The following PLXNC1 variants were observed in gnomAD, a reference collection of about 807,000 sequenced individuals.
PLXNC1 encodes plexin-C1.
PLXNC1 carries 75 observed loss-of-function variants against 178.2 expected under a neutral mutation model. That is an observed-to-expected ratio of 0.42 (90% CI 0.35 to 0.51). The LOEUF is 0.51. Among genes scored for constraint, PLXNC1 ranks in the 20% least tolerant of loss-of-function variants. The pLI, the probability that PLXNC1 is intolerant of heterozygous loss-of-function variation, is 0.02. For missense variants in PLXNC1, 1,503 were observed against 1,984.4 expected (o/e 0.76, Z 4.61); for synonymous variants, 790 against 779.9 (o/e 1.01, Z -0.22).
At position 94,226,639 on chromosome 12, in the gene PLXNC1, T is replaced by A; in HGVS notation, c.1825T>A (p.Cys609Ser). ...PACVETGCAW[C>S]KSARRCIHPF... ...ATGCGTAGAAACTGGCTGCGCGTGG[T>A]GTAAAAGTGCAAGAAGGTGTATCCA... Residue 609 changes from cysteine (C) to serine (S), a missense_variant, in exon 8 of 31, where the codon TGT (cysteine) becomes AGT (serine). By Grantham distance (112) the Cys-to-Ser change is moderately radical. Coordinates refer to ENST00000258526, the MANE Select transcript of PLXNC1 (RefSeq NM_005761.3). 2 of 1,613,886 alleles carry A rather than the reference T, an allele frequency of 1.2e-6. No homozygotes were observed. Among genetic ancestry groups the A allele is most frequent in the Middle Eastern group, 3.3e-4 (2 of 6,062 alleles).
chr12:94,230,304 T>C (rs1964063144), intron 9 of PLXNC1, among the ~76,000 whole-genome samples: 1 of 152,248 alleles, frequency 6.6e-6, no homozygotes, highest in East Asian at 1.9e-4. Context: ...CGCTGAGTCG[T>C]GGTCCAGGCA....
At chr12:94,187,603 C>A (rs1462761848) in intron 4 of PLXNC1, among the ~76,000 whole-genome samples, 1 of 152,182 alleles carries the variant, frequency 6.6e-6, no homozygotes, top group Admixed American at 6.5e-5. Context: ...TCACTGATCA[C>A]GAACGGGATT....
At chr12:94,214,028 G>A (rs996404476) in intron 5 of PLXNC1, among the ~76,000 whole-genome samples, 6 of 151,764 alleles carry the variant, frequency 4.0e-5, no homozygotes, top group South Asian at 2.1e-4. Flanking sequence ...CACCACGCCC[G>A]GCTAATTGGA....
rs1968933627 is a variant in PLXNC1 at position 94,305,690 on chromosome 12, AAAC to A, written c.*408_*410del. ...TGTAAAGGGATACTGCCAGTGCTCA[AAAC>A]AAAATGTGAAATGAGTCATTTGGAA... On this transcript the variant is annotated 3_prime_UTR_variant, in exon 31 of 31. Coordinates refer to ENST00000258526, the MANE Select transcript of PLXNC1 (RefSeq NM_005761.3). 6.5e-6 allele frequency: 1 copy of A among 154,946 alleles called. No homozygotes were observed. Among genetic ancestry groups the A allele is most frequent in the African/African-American group, 2.4e-5 (1 of 41,552 alleles). The allele number at this position is 154,946 out of a possible 1,614,324, so 9.6% of individuals were successfully genotyped here.
At chr12:94,155,588 C>T (rs1961137471) in intron 1 of PLXNC1, among the ~76,000 whole-genome samples, 1 of 152,220 alleles carries the variant, frequency 6.6e-6, no homozygotes, top group Admixed American at 6.5e-5. Flanking sequence ...TCCTTATTCC[C>T]TCCTCACTGA....
chr12:94,247,854 C>A, intron 12 of PLXNC1, 49 bp from the exon 13 acceptor site: 1 of 1,542,390 alleles, frequency 6.5e-7, no homozygotes, highest in Non-Finnish European at 8.9e-7. Context: ...GAGATCACAG[C>A]TGGGATTCGT....
At chr12:94,287,991 C>T (rs1966879181) in intron 23 of PLXNC1, among the ~76,000 whole-genome samples, 1 of 152,192 alleles carries the variant, frequency 6.6e-6, no homozygotes, top group African/African-American at 2.4e-5. Flanking sequence ...TCACTGATGC[C>T]TCAAGGCTTG....
rs146278471 is a variant in PLXNC1, at chr12:94,265,362, G to A, written c.3597+137G>A. 2.0e-4 allele frequency: 140 copies of A among 699,990 alleles called. No individual in the cohort carries two copies. The African/African-American group carries it at 2.2e-3, about 11-fold the overall frequency. 43.4% of individuals were successfully genotyped at this position (699,990 alleles called of 1,614,324 possible). On this transcript the variant is annotated intron_variant, in intron 21 of 30. Coordinates refer to ENST00000258526, the MANE Select transcript of PLXNC1 (RefSeq NM_005761.3). Reference sequence around the variant, plus strand: ...CTGTGTGTTTAGTTAATTAAAAACAGTAGTTGATAAAACTGTTAACACGTG... The same window carrying A: ...CTGTGTGTTTAGTTAATTAAAAACAATAGTTGATAAAACTGTTAACACGTG...
intron 20 of PLXNC1, among the ~76,000 whole-genome samples, chr12:94,263,670 C>G (rs114966125): frequency 0.016 from 2,486 of 151,980 alleles, 18 homozygotes; most frequent in Middle Eastern, 0.031. Flanking sequence ...AGGTTGTAAA[C>G]CACTAAATAA....
chr12:94,188,071 T>C (rs949866050), intron 4 of PLXNC1, among the ~76,000 whole-genome samples: 8 of 151,540 alleles, frequency 5.3e-5, no homozygotes, highest in Non-Finnish European at 1.0e-4. Context: ...GAGGAAGTGA[T>C]CCACTGGGTC....
At position 94,306,848 on chromosome 12, in the gene PLXNC1, G is replaced by T. The variant is rs1969077642; in HGVS notation, c.*1563G>T. On this transcript the variant is annotated 3_prime_UTR_variant, in exon 31 of 31. Coordinates refer to ENST00000258526, the MANE Select transcript of PLXNC1 (RefSeq NM_005761.3). ...CCCTGATAGGCACCTTCCCAATCCT[G>T]TTGCTTTTGACCATTGTCTGTCCAA... 1 of 152,184 alleles carries T rather than the reference G, an allele frequency of 6.6e-6. No homozygotes were observed. Among genetic ancestry groups the T allele is most frequent in the Admixed American group, 6.5e-5 (1 of 15,268 alleles). 9.4% of individuals were successfully genotyped at this position (152,184 alleles called of 1,614,324 possible). A position where few individuals can be genotyped will look rare whatever the true frequency, so the allele number is the denominator to read the frequency against.
intron 28 of PLXNC1, among the ~76,000 whole-genome samples, chr12:94,303,058 G>A (rs531571899): frequency 6.6e-6 from 1 of 152,186 alleles, no homozygotes; most frequent in African/African-American, 2.4e-5. Context: ...TATCTTCCCT[G>A]AGTAGAATTT....
intron 2 of PLXNC1, among the ~76,000 whole-genome samples, chr12:94,172,697 A>G (rs1961891857): frequency 6.6e-6 from 1 of 152,218 alleles, no homozygotes; most frequent in South Asian, 2.1e-4. Flanking sequence ...ACCCTTTGTA[A>G]AAAGTATTTT....
intron 26 of PLXNC1, among the ~76,000 whole-genome samples, 198 bp downstream of exon 26, chr12:94,297,621 A>G (rs541011727): frequency 2.1e-4 from 32 of 152,294 alleles, no homozygotes; most frequent in Non-Finnish European, 3.2e-4. Context: ...CACTTTACAG[A>G]TTTGTACTGT....
At chr12:94,166,932 A>G (rs1592725244) in intron 1 of PLXNC1, among the ~76,000 whole-genome samples, 3 of 152,050 alleles carry the variant, frequency 2.0e-5, no homozygotes, top group South Asian at 4.2e-4. Flanking sequence ...CATCTGGCTG[A>G]TTTTTTATCT....
At chr12:94,195,947 G>A (rs1054854102) in intron 4 of PLXNC1, among the ~76,000 whole-genome samples, 1 of 152,112 alleles carries the variant, frequency 6.6e-6, no homozygotes, top group African/African-American at 2.4e-5. Flanking sequence ...TTGTGGACAC[G>A]TCCCAGCTCC....
intron 5 of PLXNC1, among the ~76,000 whole-genome samples, chr12:94,217,213 C>T (rs753093948): frequency 6.6e-6 from 1 of 152,148 alleles, no homozygotes; most frequent in East Asian, 1.9e-4. Context: ...TTGAAACTGT[C>T]TTTTCCATTG....
At chr12:94,282,731 G>A (rs551338143) in intron 23 of PLXNC1, 2 of 196,252 alleles carry the variant, frequency 1.0e-5, no homozygotes, top group Non-Finnish European at 2.1e-5. Flanking sequence ...GGTGACAAGC[G>A]TGCTGATGCT....
chr12:94,202,767 T>G (rs1963179158), intron 4 of PLXNC1, among the ~76,000 whole-genome samples: 1 of 152,142 alleles, frequency 6.6e-6, no homozygotes, highest in Admixed American at 6.6e-5. Flanking sequence ...TTTAGGAGCT[T>G]GCAGTCTAGA....
Sources: allele counts gnomAD v4.1 joint callset (sites outside exome capture counted in the v4.1 genomes callset), GRCh38; gene constraint gnomAD v4.1.1; transcripts MANE v1.5; gene names NCBI Gene and HGNC (gene_info 2026-07-23, HGNC 2026-07-21).